SLC1A2: variants seen among roughly 807,000 people sequenced by gnomAD.
SLC1A2 encodes solute carrier family 1 member 2, also known as excitatory amino acid transporter 2.
Under a neutral mutation model 48.8 loss-of-function variants are expected in SLC1A2, and 15 were observed. The ratio of observed to expected loss-of-function variants is 0.31; its 90% confidence interval spans 0.21 to 0.47. SLC1A2 has a LOEUF of 0.47. Ranked by LOEUF, SLC1A2 falls within the 20% of genes least tolerant of loss-of-function variation. The pLI, the probability that SLC1A2 is intolerant of heterozygous loss-of-function variation, is 0.99. For missense variants in SLC1A2, 502 were observed against 730.5 expected, an observed-to-expected ratio of 0.69 and a Z score of 3.61; for synonymous variants, 279 against 272.6, an observed-to-expected ratio of 1.02 and a Z score of -0.23.
At chr11:35,338,705 T>A (rs1410128978) in intron 1 of SLC1A2, among the ~76,000 whole-genome samples, 1 of 152,200 alleles carries the variant, frequency 6.6e-6, no homozygotes, top group African/African-American at 2.4e-5. Flanking sequence ...TAGATCCAGA[T>A]ACACCTAAAG....
At position 35,317,599 on chromosome 11, in the gene SLC1A2, C is replaced by G. The variant is rs895660677; in HGVS notation, c.18-83G>C. 8 of 1,480,696 alleles carry G rather than the reference C, an allele frequency of 5.4e-6. No individual in the cohort carries two copies. The African/African-American group carries it at 9.7e-5, about 18-fold the overall frequency. 91.7% of individuals were successfully genotyped at this position (1,480,696 alleles called of 1,614,324 possible). A position where few individuals can be genotyped will look rare whatever the true frequency, so the allele number is the denominator to read the frequency against. On this transcript the variant is annotated intron_variant, in intron 1 of 10. Transcript: ENST00000278379. The stretch of plus-strand genomic sequence containing the variant: ...AGGGGCTCGACTAGTAGGAACCTCT[C>G]CAGGCACAGTTGGAATCTGGAACCA...
chr11:35,407,795 CG>C (rs1855344668), intron 1 of SLC1A2, among the ~76,000 whole-genome samples: 1 of 152,202 alleles, frequency 6.6e-6, no homozygotes, highest in Non-Finnish European at 1.5e-5. Flanking sequence ...CCCTGCACCC[CG>C]CACCCCGTGA....
At chr11:35,339,014 C>T (rs1257573458) in intron 1 of SLC1A2, among the ~76,000 whole-genome samples, 1 of 152,132 alleles carries the variant, frequency 6.6e-6, no homozygotes, top group Non-Finnish European at 1.5e-5. Flanking sequence ...GAATTGCTCT[C>T]TAAAGGGCAA....
chr11:35,365,433 A>G (rs1431545640), intron 1 of SLC1A2, among the ~76,000 whole-genome samples: 1 of 152,212 alleles, frequency 6.6e-6, no homozygotes, highest in African/African-American at 2.4e-5. Context: ...ACCAAAGATC[A>G]TAAACGGTGT....
intron 1 of SLC1A2, among the ~76,000 whole-genome samples, chr11:35,355,417 C>T (rs764287082): frequency 2.2e-4 from 33 of 152,104 alleles, no homozygotes; most frequent in Non-Finnish European, 3.4e-4. Context: ...TTCCATAATT[C>T]GCACCATTTC....
intron 5 of SLC1A2, among the ~76,000 whole-genome samples, chr11:35,304,816 T>C (rs1449660923): frequency 6.6e-6 from 1 of 152,246 alleles, no homozygotes; most frequent in African/African-American, 2.4e-5. Context: ...TGAATACTTT[T>C]TTTTTAGTAT....
intron 1 of SLC1A2, among the ~76,000 whole-genome samples, chr11:35,390,391 T>G (rs938618139): frequency 6.6e-6 from 1 of 152,186 alleles, no homozygotes; most frequent in Admixed American, 6.5e-5. Context: ...CCATTTCATT[T>G]TTAAAATTTG....
chr11:35,360,101 C>T (rs2135124101), intron 1 of SLC1A2: 1 of 985,154 alleles, frequency 1.0e-6, no homozygotes. Context: ...GTGAGCTGTG[C>T]CTTCCATCAC....
chr11:35,365,256 C>T lies in SLC1A2; in HGVS notation c.18-47740G>A, dbSNP rs1280143186. Among the ~76,000 whole-genome samples the T allele has an allele frequency of 2.6e-5, 4 of 152,268 alleles. No homozygotes were observed. The South Asian group carries it at 6.2e-4, about 24-fold the overall frequency. On this transcript the variant is annotated intron_variant, in intron 1 of 10. Transcript: ENST00000278379. Reference sequence around the variant, plus strand: ...CCTCTGGGGCTGGGTTGTATCCATGCCATTTGGGCAACTCCTCTAAGTGCC... The same window carrying T: ...CCTCTGGGGCTGGGTTGTATCCATGTCATTTGGGCAACTCCTCTAAGTGCC...
chr11:35,317,422 ACAGGCG>A lies in SLC1A2; in HGVS notation c.106_111del (p.Arg36_Leu37del). 6.2e-7 allele frequency: 1 copy of A among 1,614,184 alleles called. No individual in the cohort carries two copies. Among genetic ancestry groups the A allele is most frequent in the South Asian group, 1.1e-5 (1 of 91,080 alleles). The stretch of plus-strand genomic sequence containing the variant: ...AGCAGATTCTTCCCCAGCTTGTCAC[ACAGGCG>A]CAGGCCCAGGTGCCGGTGCTTGGGT... On this transcript the variant is annotated inframe_deletion, in exon 2 of 11. Coordinates refer to ENST00000278379, the MANE Select transcript of SLC1A2 (RefSeq NM_004171.4).
intron 6 of SLC1A2, 34 bp downstream of exon 6, chr11:35,301,485 C>A: frequency 1.2e-6 from 2 of 1,608,926 alleles, no homozygotes; most frequent in Non-Finnish European, 1.7e-6. Context: ...GCTTTCTCAA[C>A]CCACTGCTAA....
chr11:35,254,024 A>T lies in SLC1A2; in HGVS notation c.*6870T>A, dbSNP rs1231055989. 6.6e-6 allele frequency: 1 copy of T among 152,442 alleles called. No homozygotes were observed. Among genetic ancestry groups the T allele is most frequent in the Admixed American group, 6.5e-5 (1 of 15,278 alleles). The allele number at this position is 152,442 out of a possible 1,614,324, so 9.4% of individuals were successfully genotyped here. Reference sequence around the variant, plus strand: ...GGGGATTTGTTTAAAAAAATGTAAGACTGGGCTGGAGGAATTTGTGGATTT... The same window carrying T: ...GGGGATTTGTTTAAAAAAATGTAAGTCTGGGCTGGAGGAATTTGTGGATTT... On this transcript the variant is annotated 3_prime_UTR_variant, in exon 11 of 11. Transcript: ENST00000278379.
intron 1 of SLC1A2, among the ~76,000 whole-genome samples, chr11:35,328,895 T>C (rs955507360): frequency 6.6e-6 from 1 of 152,182 alleles, no homozygotes; most frequent in African/African-American, 2.4e-5. Context: ...TGTCTCTGGA[T>C]CACTTGTTAA....
Position 35,280,957 on chromosome 11 carries a change from C to T in SLC1A2, c.1331G>A (p.Ser444Asn). The T allele has an allele frequency of 6.2e-7, 1 of 1,612,398 alleles. No homozygotes were observed. The highest frequency in any genetic ancestry group is 8.5e-7 in the Non-Finnish European group (1 of 1,179,468). Residue 444 changes from serine to asparagine, a missense_variant, in exon 9 of 11, where the codon AGT becomes AAT. Ser to Asn is a conservative substitution (Grantham distance 46). Transcript: ENST00000278379. Reference sequence around the variant, plus strand: ...GAGGAGCATGGTGACCAGCCCGGCACTGGGGATACTGGCCGCGCCGACGCT... The same window carrying T: ...GAGGAGCATGGTGACCAGCCCGGCATTGGGGATACTGGCCGCGCCGACGCT... ...LASVGAASIP[S>N]AGLVTMLLIL... is the part of the protein sequence containing the mutation.
Position 35,401,871 on chromosome 11 carries a change from C to G in SLC1A2, c.17+17079G>C, listed in dbSNP as rs190256567. Among the ~76,000 whole-genome samples, 481 of 152,238 alleles carry G rather than the reference C, an allele frequency of 3.2e-3. 4 individuals carry two copies. The highest frequency in any genetic ancestry group is 0.011 in the African/African-American group (455 of 41,536). On this transcript the variant is annotated intron_variant, in intron 1 of 10. Transcript: ENST00000278379. ...TAAAGGAAACAACAGTCATCCAGTC[C>G]ACCCCCTACTTCCAAGGCTCGGGCC...
intron 1 of SLC1A2, chr11:35,323,201 C>G: frequency 4.7e-6 from 1 of 211,714 alleles, no homozygotes; most frequent in Non-Finnish European, 9.5e-6. Flanking sequence ...CCAGTCCATT[C>G]GAGGGGCTGG....
rs200685691 is a variant in SLC1A2 at position 35,317,369 on chromosome 11, G to T, written c.157+8C>A. 1.2e-6 allele frequency: 2 copies of T among 1,613,704 alleles called. No homozygotes were observed. Among genetic ancestry groups the T allele is most frequent in the Non-Finnish European group, 1.7e-6 (2 of 1,179,678 alleles). On this transcript the variant is annotated splice_region_variant and intron_variant, in intron 2 of 10. Coordinates refer to ENST00000278379, the MANE Select transcript of SLC1A2 (RefSeq NM_004171.4). ...GGGGGCTGGGGGTGGGGTAGTGCAG[G>T]TACCTACCAAACACCGTCAGGGTGA...
chr11:35,288,248 T>C (rs897741738), intron 7 of SLC1A2, among the ~76,000 whole-genome samples: 1 of 152,190 alleles, frequency 6.6e-6, no homozygotes, highest in Middle Eastern at 3.2e-3. Flanking sequence ...AGAGCCAGAT[T>C]TCTCTTACCA....
chr11:35,271,779 G>C (rs572107962), intron 9 of SLC1A2, among the ~76,000 whole-genome samples: 3 of 152,226 alleles, frequency 2.0e-5, no homozygotes, highest in Admixed American at 2.0e-4. Context: ...AGAGACGAAG[G>C]TTGCAGTGAG....
Sources: allele counts gnomAD v4.1 joint callset (sites outside exome capture counted in the v4.1 genomes callset), GRCh38; gene constraint gnomAD v4.1.1; transcripts MANE v1.5; gene names NCBI Gene and HGNC (gene_info 2026-07-23, HGNC 2026-07-21).